The following CCSER1 variants were observed in gnomAD, a reference collection of about 807,000 sequenced individuals.
The protein encoded by CCSER1 is serine-rich coiled-coil domain-containing protein 1.
Under a neutral mutation model 82.0 loss-of-function variants are expected in CCSER1, and 41 were observed. The observed-to-expected ratio is 0.50, with a 90% confidence interval of 0.39 to 0.65. The LOEUF is 0.65. Ranked by LOEUF, CCSER1 falls within the 30% of genes least tolerant of loss-of-function variation. CCSER1 has a pLI of 0.00. For synonymous variants in CCSER1, 414 were observed against 383.9 expected, an observed-to-expected ratio of 1.08 and a Z score of -0.92; for missense variants, 1,119 against 1,064.2, an observed-to-expected ratio of 1.05 and a Z score of -0.72.
chr4:91,457,504 A>C (rs2149426599), intron 10 of CCSER1, among the ~76,000 whole-genome samples: 1 of 152,160 alleles, frequency 6.6e-6, no homozygotes, highest in Admixed American at 6.6e-5. Flanking sequence ...ATCTCTACAA[A>C]AAAATAAAAA....
At position 90,308,710 on chromosome 4, in the gene CCSER1, A is replaced by G; in HGVS notation, c.426A>G (p.Ser142=). The G allele has an allele frequency of 1.9e-6, 3 of 1,613,620 alleles. No homozygotes were observed. Among genetic ancestry groups the G allele is most frequent in the Non-Finnish European group, 2.5e-6 (3 of 1,179,764 alleles). The change falls in exon 2 of 11, where the codon TCA becomes TCG. Residue 142 remains serine (S), a synonymous_variant. Coordinates refer to ENST00000509176, the MANE Select transcript of CCSER1 (RefSeq NM_001145065.2). ...ATTTTGAAAGGGAAAAAGAGCACTC[A>G]ACTAACAAGAATGTCTTTATAAATT... ...TEDFEREKEH[S]TNKNVFINCL...
chr4:91,561,904 ACATT>A (rs1762668137), intron 10 of CCSER1, among the ~76,000 whole-genome samples: 1 of 151,446 alleles, frequency 6.6e-6, no homozygotes, highest in Non-Finnish European at 1.5e-5. Flanking sequence ...ATTTAACTAT[ACATT>A]AAGTAAAATT....
At chr4:90,449,431 G>A (rs1761124758) in intron 4 of CCSER1, among the ~76,000 whole-genome samples, 1 of 152,190 alleles carries the variant, frequency 6.6e-6, no homozygotes, top group African/African-American at 2.4e-5. Context: ...ATTCAAGGTG[G>A]GGCTTCACTG....
intron 5 of CCSER1, among the ~76,000 whole-genome samples, chr4:90,602,706 A>C (rs144063984): frequency 2.6e-5 from 4 of 152,186 alleles, no homozygotes; most frequent in African/African-American, 4.8e-5. Flanking sequence ...TCATGTTCAC[A>C]TTTCTACCCC....
intron 1 of CCSER1, among the ~76,000 whole-genome samples, chr4:90,275,402 A>AT (rs1239880574): frequency 8.5e-5 from 13 of 152,158 alleles, no homozygotes; most frequent in Admixed American, 8.5e-4. Context: ...TGAAAATAAA[A>AT]GGGGCATACT....
At chr4:91,135,012 A>G (rs1036588375) in intron 10 of CCSER1, among the ~76,000 whole-genome samples, 5 of 151,752 alleles carry the variant, frequency 3.3e-5, no homozygotes, top group African/African-American at 9.7e-5. Flanking sequence ...CTGAGCTGAG[A>G]TTGCACCACT....
intron 10 of CCSER1, among the ~76,000 whole-genome samples, chr4:91,203,179 A>G (rs1263124538): frequency 6.6e-6 from 1 of 151,854 alleles, no homozygotes; most frequent in Non-Finnish European, 1.5e-5. Flanking sequence ...CTTTTTAATG[A>G]TCCCCATTCT....
intron 10 of CCSER1, among the ~76,000 whole-genome samples, chr4:91,452,562 T>C (rs2149421180): frequency 6.6e-6 from 1 of 152,132 alleles, no homozygotes; most frequent in Middle Eastern, 3.4e-3. Flanking sequence ...TTTCCAGAAA[T>C]GATACAGCCA....
intron 10 of CCSER1, among the ~76,000 whole-genome samples, chr4:91,539,006 A>G (rs111636678): frequency 6.6e-6 from 1 of 151,808 alleles, no homozygotes; most frequent in African/African-American, 2.4e-5. Flanking sequence ...CAGCAGATCA[A>G]TTTTCTTTCT....
At chr4:91,063,365 G>T (rs927985590) in intron 9 of CCSER1, among the ~76,000 whole-genome samples, 28 of 152,042 alleles carry the variant, frequency 1.8e-4, no homozygotes, top group Non-Finnish European at 3.7e-4. Flanking sequence ...CTTAGTGCCT[G>T]GCTCACGACA....
chr4:90,226,639 G>A (rs1163145674), intron 1 of CCSER1, among the ~76,000 whole-genome samples: 1 of 152,256 alleles, frequency 6.6e-6, no homozygotes, highest in Non-Finnish European at 1.5e-5. Flanking sequence ...TTTAACTTCA[G>A]TGTGATGAAG....
intron 1 of CCSER1, among the ~76,000 whole-genome samples, chr4:90,200,047 C>T (rs1350466121): frequency 2.1e-5 from 3 of 140,168 alleles, no homozygotes; most frequent in Admixed American, 7.2e-5. Context: ...CACTCCCTGA[C>T]ATGCGTGCAC....
intron 6 of CCSER1, among the ~76,000 whole-genome samples, chr4:90,707,974 A>T (rs955943203): frequency 6.6e-6 from 1 of 152,150 alleles, no homozygotes; most frequent in African/African-American, 2.4e-5. Context: ...GAATGGAAAG[A>T]TACTCTTTCC....
intron 1 of CCSER1, among the ~76,000 whole-genome samples, chr4:90,140,494 T>C (rs1351786574): frequency 6.6e-6 from 1 of 152,118 alleles, no homozygotes; most frequent in Non-Finnish European, 1.5e-5. Flanking sequence ...ACAAATTTTA[T>C]TGAATTAAAA....
At chr4:90,207,739 C>G (rs558787347) in intron 1 of CCSER1, among the ~76,000 whole-genome samples, 1 of 152,280 alleles carries the variant, frequency 6.6e-6, no homozygotes, top group South Asian at 2.1e-4. Flanking sequence ...AGTTTTCCTT[C>G]TAACAGTCAG....
intron 5 of CCSER1, among the ~76,000 whole-genome samples, chr4:90,520,385 A>C (rs983925975): frequency 2.6e-5 from 4 of 152,152 alleles, no homozygotes; most frequent in African/African-American, 9.6e-5. Context: ...TATAGGGAGC[A>C]TGGAATCTGC....
intron 10 of CCSER1, among the ~76,000 whole-genome samples, chr4:91,101,970 C>A (rs909460538): frequency 5.9e-5 from 9 of 152,108 alleles, no homozygotes; most frequent in Admixed American, 2.6e-4. Context: ...GAGAGACTGA[C>A]AAAAATAAAT....
chr4:90,286,175 C>T lies in CCSER1; in HGVS notation c.-41-22069C>T, dbSNP rs574446832. Reference sequence around the variant, plus strand: ...GGAATGAGTTTGGAAATAGCCTCTCCTCCTCAACTTTTTTGGAATAGTTTA... The same window carrying T: ...GGAATGAGTTTGGAAATAGCCTCTCTTCCTCAACTTTTTTGGAATAGTTTA... On this transcript the variant is annotated intron_variant, in intron 1 of 10. Transcript: ENST00000509176. Among the ~76,000 whole-genome samples the T allele has an allele frequency of 6.6e-5, 10 of 152,000 alleles. No individual in the cohort carries two copies. In the South Asian group the frequency reaches 1.9e-3, roughly 28 times the overall value.
intron 1 of CCSER1, among the ~76,000 whole-genome samples, chr4:90,157,272 A>G (rs1434648592): frequency 1.3e-5 from 2 of 152,082 alleles, no homozygotes; most frequent in Non-Finnish European, 2.9e-5. Flanking sequence ...TCCCTTTGTG[A>G]GTAACCCGAC....
Sources: gnomAD v4.1 joint callset for allele counts (sites outside exome capture counted in the v4.1 genomes callset) on GRCh38, gnomAD v4.1.1 for gene constraint, MANE v1.5 for transcripts, NCBI Gene and HGNC (gene_info 2026-07-23, HGNC 2026-07-21) for gene names.